The following NUP205 variants were observed in gnomAD, a reference collection of about 807,000 sequenced individuals.
The protein encoded by NUP205 is nucleoporin 205, also known as nuclear pore complex protein Nup205.
In NUP205, 76 loss-of-function variants were observed where a neutral mutation model predicts 253.8. The ratio of observed to expected loss-of-function variants is 0.30; its 90% CI spans 0.25 to 0.36. The LOEUF (loss-of-function observed/expected upper bound fraction) is 0.36. Among genes scored for constraint, NUP205 ranks in the 10% least tolerant of loss-of-function variants. The pLI, the probability that NUP205 is intolerant of heterozygous loss-of-function variation, is 1.00. For synonymous variants in NUP205, 832 were observed against 850.1 expected (o/e 0.98, Z 0.37); for missense variants, 2,162 against 2,425.5 (o/e 0.89, Z 2.28).
At position 135,638,576 on chromosome 7, in the gene NUP205, A is replaced by T; in HGVS notation, c.5285A>T (p.Glu1762Val). Residue 1762 changes from glutamate (E) to valine (V), a missense_variant, in exon 38 of 43, where the codon GAA becomes GTA. By Grantham distance (121) the Glu-to-Val change is moderately radical. Around this residue, in one of 5 missense-constraint regions of NUP205, gnomAD observed 1,144 missense variants for 1,280.9 expected, o/e 0.89. Transcript: ENST00000285968. ...AMQQICANVM[E>V]YCQSLMLQSS... ...TTATAGATTTGTGCCAATGTAATGGAATATTGCCAGTCACTCATGTTACAG... is the reference window on the plus strand; with the variant it reads ...TTATAGATTTGTGCCAATGTAATGGTATATTGCCAGTCACTCATGTTACAG... 2.5e-6 allele frequency: 4 copies of T among 1,613,924 alleles called. No individual in the cohort carries two copies. The highest frequency in any genetic ancestry group is 2.5e-6 in the Non-Finnish European group (3 of 1,179,894).
intron 32 of NUP205, among the ~76,000 whole-genome samples, chr7:135,625,556 T>C (rs376933857): frequency 2.0e-5 from 3 of 152,188 alleles, no homozygotes; most frequent in Admixed American, 1.3e-4. Context: ...AGCTGGATAA[T>C]GGGACTGCTG....
intron 7 of NUP205, among the ~76,000 whole-genome samples, chr7:135,584,317 C>T (rs541042473): frequency 1.3e-5 from 2 of 151,904 alleles, no homozygotes; most frequent in African/African-American, 4.8e-5. Flanking sequence ...TGGATATTTT[C>T]CAAATAAAAT....
chr7:135,648,374 T>C (rs746635638), intron 42 of NUP205, 30 bp from the exon 43 acceptor site: 2 of 1,509,906 alleles, frequency 1.3e-6, no homozygotes, highest in Non-Finnish European at 1.8e-6. Flanking sequence ...GACAACAATT[T>C]TAACAAAATG....
Position 135,587,915 on chromosome 7 carries a change from C to T in NUP205, c.1396C>T (p.Pro466Ser). 1 of 1,613,878 alleles carries T rather than the reference C, an allele frequency of 6.2e-7. No individual in the cohort carries two copies. Among genetic ancestry groups the T allele is most frequent in the Non-Finnish European group, 8.5e-7 (1 of 1,179,858 alleles). Reference protein sequence around the residue: ...HLELALEYWCPTEPLQTPTIM... With the variant: ...HLELALEYWCSTEPLQTPTIM... Reference sequence around the variant, plus strand: ...GGAGCTTGCTCTAGAATATTGGTGTCCCACAGAGCCTCTTCAGACTCCGAC... The same window carrying T: ...GGAGCTTGCTCTAGAATATTGGTGTTCCACAGAGCCTCTTCAGACTCCGAC... Residue 466 changes from proline (P) to serine (S), a missense_variant, in exon 10 of 43, where the codon CCC (proline) becomes TCC (serine). Coordinates refer to ENST00000285968, the MANE Select transcript of NUP205 (RefSeq NM_015135.3).
chr7:135,626,356 G>A lies in NUP205; in HGVS notation c.4788G>A (p.Pro1596=), dbSNP rs766522861. 1.5e-5 allele frequency: 25 copies of A among 1,613,806 alleles called. No homozygotes were observed. Among genetic ancestry groups the A allele is most frequent in the South Asian group, 5.5e-5 (5 of 91,062 alleles). The change falls in exon 33 of 43, where the codon CCG becomes CCA. Residue 1596 remains proline (P), a synonymous_variant. Transcript: ENST00000285968. ...ATGACATGCGCCCAGAAACGGACCC[G>A]CAGAGGTAAGTGTCTGTATAGATTA... ...QVYDMRPETD[P]QSMFGMRDPP...
intron 22 of NUP205, among the ~76,000 whole-genome samples, chr7:135,609,889 A>C (rs1794188092): frequency 6.6e-6 from 1 of 152,162 alleles, no homozygotes; most frequent in South Asian, 2.1e-4. Flanking sequence ...TTTGATATAT[A>C]AGTAGAAACA....
intron 7 of NUP205, among the ~76,000 whole-genome samples, chr7:135,581,472 A>G (rs1426596738): frequency 2.6e-5 from 4 of 151,626 alleles, no homozygotes; most frequent in Non-Finnish European, 5.9e-5. Context: ...ACTTGAGCCC[A>G]GGAGAGAGGC....
rs1254216380 is a variant in NUP205 at position 135,645,605 on chromosome 7, T to C, written c.5812+9T>C. 1.2e-6 allele frequency: 2 copies of C among 1,608,390 alleles called. No individual in the cohort carries two copies. Among genetic ancestry groups the C allele is most frequent in the South Asian group, 1.1e-5 (1 of 90,164 alleles). The stretch of plus-strand genomic sequence containing the variant: ...AAGCAGAAGACTGCAAGGTAAACTT[T>C]CTGCTAAAAATTAATGAACCATAAA... On this transcript the variant is annotated intron_variant, in intron 41 of 42. Coordinates refer to ENST00000285968, the MANE Select transcript of NUP205 (RefSeq NM_015135.3).
At chr7:135,583,503 T>A (rs1271757789) in intron 7 of NUP205, among the ~76,000 whole-genome samples, 1 of 152,168 alleles carries the variant, frequency 6.6e-6, no homozygotes, top group Non-Finnish European at 1.5e-5. Flanking sequence ...CTCACGCCTG[T>A]AATCCCAGCA....
intron 35 of NUP205, among the ~76,000 whole-genome samples, chr7:135,633,607 A>G (rs1168261385): frequency 6.6e-6 from 1 of 151,586 alleles, no homozygotes; most frequent in Non-Finnish European, 1.5e-5. Context: ...TACTTTTTTA[A>G]TTTTTAATTT....
intron 30 of NUP205, among the ~76,000 whole-genome samples, chr7:135,621,459 A>G (rs996805649): frequency 5.9e-5 from 9 of 152,320 alleles, no homozygotes; most frequent in African/African-American, 2.2e-4. Context: ...GGGCTCTACA[A>G]TAGGCTTTTT....
intron 36 of NUP205, among the ~76,000 whole-genome samples, chr7:135,636,071 G>T (rs1181152837): frequency 1.3e-5 from 2 of 152,008 alleles, no homozygotes; most frequent in African/African-American, 4.8e-5. Context: ...TATTTGCTTG[G>T]TTTTTATGTA....
In NUP205 at chr7:135,622,893, C is replaced by T. The variant is rs1794505243; in HGVS notation, c.4447C>T (p.Arg1483Ter). ...CGCCGCCCTCATGGAAGTGGTCTGT[C>T]GAGATGCTTGTGATGGTCATGAGAT... is the stretch of plus-strand genomic sequence containing the variant. ...YGAALMEVVC[R>*]DACDGHEIGR... Residue 1483 changes from arginine to a stop codon, truncating the protein, a stop_gained, in exon 31 of 43, where the codon CGA (arginine) becomes TGA (stop). Coordinates refer to ENST00000285968, the MANE Select transcript of NUP205 (RefSeq NM_015135.3). LOFTEE classifies it high-confidence loss of function. The T allele has an allele frequency of 1.2e-6, 2 of 1,613,976 alleles. No homozygotes were observed. Among genetic ancestry groups the T allele is most frequent in the Non-Finnish European group, 1.7e-6 (2 of 1,180,000 alleles).
At position 135,585,120 on chromosome 7, in the gene NUP205, A is replaced by G. The variant is rs562670769; in HGVS notation, c.1218+113A>G. On this transcript the variant is annotated intron_variant, in intron 8 of 42. Transcript: ENST00000285968. ...CTAATAAAAATTTTTAATACAGACT[A>G]AAATTTGCCAGTAGCTGTATTACAT... 203 of 824,768 alleles carry G rather than the reference A, an allele frequency of 2.5e-4. No homozygotes were observed. In the African/African-American group the frequency reaches 3.2e-3, roughly 13 times the overall value. The allele number at this position is 824,768 out of a possible 1,614,324, so 51.1% of individuals were successfully genotyped here.
intron 3 of NUP205, among the ~76,000 whole-genome samples, chr7:135,576,035 T>G (rs900114811): frequency 2.0e-5 from 3 of 152,160 alleles, no homozygotes; most frequent in African/African-American, 4.8e-5. Context: ...ATTGAGAGTT[T>G]GGAAAATGGT....
chr7:135,566,540 A>C (rs1385474176), intron 1 of NUP205, among the ~76,000 whole-genome samples: 1 of 152,200 alleles, frequency 6.6e-6, no homozygotes, highest in East Asian at 1.9e-4. Context: ...GAAGCAAAGC[A>C]GGGAATTGGA....
chr7:135,635,590 G>A lies in NUP205; in HGVS notation c.5069G>A (p.Ser1690Asn). ...ISKAALPGIL[S>N]ELDVDVNEGS... Reference sequence around the variant, plus strand: ...ATTCTACATTTTATAGGAATATTAAGTGAACTTGACGTTGATGTAAATGAA... The same window carrying A: ...ATTCTACATTTTATAGGAATATTAAATGAACTTGACGTTGATGTAAATGAA... Residue 1690 changes from serine to asparagine, a missense_variant, in exon 36 of 43, where the codon AGT becomes AAT. By Grantham distance (46) the Ser-to-Asn change is conservative (BLOSUM62 1). Coordinates refer to ENST00000285968, the MANE Select transcript of NUP205 (RefSeq NM_015135.3). 6.4e-7 allele frequency: 1 copy of A among 1,566,286 alleles called. No individual in the cohort carries two copies. Among genetic ancestry groups the A allele is most frequent in the Non-Finnish European group, 8.8e-7 (1 of 1,140,612 alleles).
chr7:135,571,048 A>G, intron 1 of NUP205, 57 bp from the exon 2 acceptor site: 1 of 1,425,290 alleles, frequency 7.0e-7, no homozygotes, highest in Non-Finnish European at 9.4e-7. Flanking sequence ...GTAACCTCAC[A>G]TTATTTTTCA....
At chr7:135,575,176 A>G (rs1196548667) in intron 3 of NUP205, among the ~76,000 whole-genome samples, 1 of 152,242 alleles carries the variant, frequency 6.6e-6, no homozygotes, top group African/African-American at 2.4e-5. Flanking sequence ...ATTAAGTACA[A>G]TTAATGCAGT....
Sources: allele counts gnomAD v4.1 joint callset (sites outside exome capture counted in the v4.1 genomes callset), GRCh38; gene constraint gnomAD v4.1.1; regional missense constraint gnomAD v4.1.1; transcripts MANE v1.5; gene names NCBI Gene and HGNC (gene_info 2026-07-23, HGNC 2026-07-21).